Variants in MAD1L1 observed in about 807,000 individuals in gnomAD.
The protein encoded by MAD1L1 is mitotic spindle assembly checkpoint protein MAD1.
A neutral mutation model predicts 96.9 loss-of-function variants in MAD1L1; 95 were observed. The observed-to-expected ratio is 0.98, with a 90% CI of 0.83 to 1.16. MAD1L1 has a LOEUF of 1.16. Among genes scored for constraint, MAD1L1 ranks in the 50% most tolerant of loss-of-function variants. The probability of loss-of-function intolerance (pLI) is 0.00; values close to 1 mark genes in which losing one functional copy is unlikely to be tolerated. For missense variants in MAD1L1, 1,007 were observed against 954.4 expected (o/e 1.06, Z -0.73); for synonymous variants, 473 against 396.6 (o/e 1.19, Z -2.29).
chr7:2,064,331 C>T (rs1459315901), intron 12 of MAD1L1, among the ~76,000 whole-genome samples: 1 of 152,148 alleles, frequency 6.6e-6, no homozygotes. Flanking sequence ...AGAGAGGAGG[C>T]CCTGGCAGAG....
intron 18 of MAD1L1, among the ~76,000 whole-genome samples, chr7:1,891,008 G>A (rs1562495499): frequency 2.0e-5 from 3 of 152,296 alleles, no homozygotes; most frequent in East Asian, 1.9e-4. Flanking sequence ...TCAGACAGAC[G>A]CCAGAAAGCG....
At position 1,826,046 on chromosome 7, in the gene MAD1L1, C is replaced by T. The variant is rs150947012; in HGVS notation, c.1999-9818G>A. Among the ~76,000 whole-genome samples the T allele has an allele frequency of 3.1e-3, 471 of 152,214 alleles. 4 individuals carry two copies. Among genetic ancestry groups the T allele is most frequent in the Non-Finnish European group, 5.3e-3 (359 of 68,004 alleles). On this transcript the variant is annotated intron_variant, in intron 18 of 18. Transcript: ENST00000265854. ...GTATCCCAAAGTTCAGGCGTGATAA[C>T]GTCAAGACCGTGCTGAGCCTGCCGG...
chr7:2,048,060 C>T (rs1784009368), intron 12 of MAD1L1, among the ~76,000 whole-genome samples: 2 of 152,282 alleles, frequency 1.3e-5, no homozygotes, highest in Admixed American at 6.5e-5. Context: ...GCACTCAACA[C>T]AGATATGCAC....
intron 10 of MAD1L1, among the ~76,000 whole-genome samples, chr7:2,158,158 C>G (rs1027092012): frequency 6.6e-6 from 1 of 152,204 alleles, no homozygotes; most frequent in Non-Finnish European, 1.5e-5. Context: ...GTTCTATCTG[C>G]AGCTGAATTT....
chr7:1,902,299 G>A (rs763142685), intron 17 of MAD1L1, among the ~76,000 whole-genome samples: 3 of 152,182 alleles, frequency 2.0e-5, no homozygotes, highest in Non-Finnish European at 4.4e-5. Flanking sequence ...GGGATGTCAG[G>A]ATAAAGGAGC....
intron 16 of MAD1L1, among the ~76,000 whole-genome samples, chr7:1,937,581 C>T (rs531026865): frequency 1.6e-3 from 236 of 151,682 alleles, no homozygotes; most frequent in Non-Finnish European, 2.9e-3. Flanking sequence ...AGGGGACAGC[C>T]GCCCACAGCA....
At chr7:2,221,198 C>A (rs1793588198) in intron 5 of MAD1L1, among the ~76,000 whole-genome samples, 1 of 152,206 alleles carries the variant, frequency 6.6e-6, no homozygotes, top group Non-Finnish European at 1.5e-5. Flanking sequence ...TCTCCTGCTC[C>A]TCTGCCCCTC....
At chr7:2,225,251 GGGAC>G (rs1793824094) in intron 4 of MAD1L1, among the ~76,000 whole-genome samples, 155 bp downstream of exon 4, 2 of 38,176 alleles carry the variant, frequency 5.2e-5, no homozygotes, top group Non-Finnish European at 1.8e-4. Context: ...CTTGCTCCCA[GGGAC>G]TGGGATCTGA....
chr7:2,042,508 T>C (rs1357122111), intron 12 of MAD1L1, among the ~76,000 whole-genome samples: 1 of 152,188 alleles, frequency 6.6e-6, no homozygotes, highest in African/African-American at 2.4e-5. Context: ...AACAAATACT[T>C]GGCGATATGG....
chr7:2,056,755 G>C (rs986073905), intron 12 of MAD1L1, among the ~76,000 whole-genome samples: 2 of 152,154 alleles, frequency 1.3e-5, no homozygotes, highest in Non-Finnish European at 1.5e-5. Flanking sequence ...AGCCCAGGGG[G>C]ACTGTTGTGG....
intron 11 of MAD1L1, among the ~76,000 whole-genome samples, chr7:2,102,197 C>G (rs1485311864): frequency 9.6e-6 from 1 of 103,696 alleles, no homozygotes; most frequent in East Asian, 2.8e-4. Context: ...CCACCATCAC[C>G]ACCGTCACCG....
At chr7:1,838,307 C>A (rs1412861945) in intron 18 of MAD1L1, among the ~76,000 whole-genome samples, 1 of 152,206 alleles carries the variant, frequency 6.6e-6, no homozygotes, top group Non-Finnish European at 1.5e-5. Context: ...TACCATGTGA[C>A]CCTGGCACTT....
At chr7:2,149,346 G>T (rs953338379) in intron 10 of MAD1L1, 108 bp from the exon 11 acceptor site, 5 of 863,092 alleles carry the variant, frequency 5.8e-6, no homozygotes, top group Non-Finnish European at 7.7e-6. Flanking sequence ...GATGCTCTGG[G>T]ACCCAGGATG....
At chr7:2,141,633 C>T (rs1365744436) in intron 11 of MAD1L1, among the ~76,000 whole-genome samples, 3 of 152,182 alleles carry the variant, frequency 2.0e-5, no homozygotes, top group Non-Finnish European at 2.9e-5. Flanking sequence ...CCCCCCTTCT[C>T]TCTCTCCCTC....
At chr7:2,028,001 C>G (rs1407056582) in intron 12 of MAD1L1, among the ~76,000 whole-genome samples, 1 of 152,072 alleles carries the variant, frequency 6.6e-6, no homozygotes, top group East Asian at 1.9e-4. Context: ...TGCTGCAGGA[C>G]CAAAGTTAAT....
intron 12 of MAD1L1, among the ~76,000 whole-genome samples, chr7:2,065,733 C>T (rs1055820480): frequency 3.9e-5 from 6 of 152,314 alleles, no homozygotes; most frequent in Admixed American, 3.9e-4. Context: ...GTGAGTCCGA[C>T]GCCGCTGGAC....
chr7:2,176,230 C>A (rs1027857284), intron 10 of MAD1L1, among the ~76,000 whole-genome samples: 2 of 152,148 alleles, frequency 1.3e-5, no homozygotes, highest in Admixed American at 1.3e-4. Context: ...TGCCTGTAAT[C>A]CCAGCTACTA....
At chr7:1,994,476 G>C (rs747771579) in intron 14 of MAD1L1, among the ~76,000 whole-genome samples, 44 of 152,298 alleles carry the variant, frequency 2.9e-4, no homozygotes, top group Admixed American at 1.6e-3. Flanking sequence ...AGGCCCATCG[G>C]GCACTGAGGG....
At chr7:1,901,057 C>T (rs1787211098) in intron 17 of MAD1L1, among the ~76,000 whole-genome samples, 1 of 152,162 alleles carries the variant, frequency 6.6e-6, no homozygotes, top group Non-Finnish European at 1.5e-5. Flanking sequence ...GGTCCATCCT[C>T]CATGCCACAC....
Sources: gnomAD v4.1 joint callset for allele counts (sites outside exome capture counted in the v4.1 genomes callset) on GRCh38, gnomAD v4.1.1 for gene constraint, MANE v1.5 for transcripts, NCBI Gene and HGNC (gene_info 2026-07-23, HGNC 2026-07-21) for gene names.